The following NDUFAF7 variants were observed in gnomAD, a reference collection of about 807,000 sequenced individuals.
NDUFAF7 encodes the protein protein arginine methyltransferase NDUFAF7, mitochondrial.
In NDUFAF7, 48 loss-of-function variants were observed where a neutral mutation model predicts 47.2. That is an observed-to-expected ratio of 1.02 (90% CI 0.81 to 1.29). The LOEUF is 1.29. Ranked by LOEUF, NDUFAF7 falls within the 50% of genes most tolerant of loss-of-function variation. The pLI, the probability that NDUFAF7 is intolerant of heterozygous loss-of-function variation, is 0.00. For missense variants in NDUFAF7, 635 were observed against 537.6 expected, an observed-to-expected ratio of 1.18 and a Z score of -1.79; for synonymous variants, 217 against 190.0, an observed-to-expected ratio of 1.14 and a Z score of -1.17.
intron 3 of NDUFAF7, among the ~76,000 whole-genome samples, chr2:37,236,459 AAGG>A (rs1158154276): frequency 1.3e-5 from 2 of 151,994 alleles, no homozygotes; most frequent in Non-Finnish European, 2.9e-5. Flanking sequence ...AGGACAGAAA[AAGG>A]AGAATCAGAT....
At chr2:37,239,005 A>G (rs1352565572) in intron 4 of NDUFAF7, among the ~76,000 whole-genome samples, 7 of 152,268 alleles carry the variant, frequency 4.6e-5, no homozygotes, top group African/African-American at 1.7e-4. Context: ...TTAGAAAAAA[A>G]AGCTAAAAGT....
At chr2:37,242,032 C>T (rs1181439673) in intron 5 of NDUFAF7, 1 of 554,932 alleles carries the variant, frequency 1.8e-6, no homozygotes, top group Non-Finnish European at 3.2e-6. Context: ...TGTAAATCTC[C>T]TTTGTACTTT....
chr2:37,263,297 T>G, the NDUFAF7 span, among the ~76,000 whole-genome samples: 1 of 152,220 alleles, frequency 6.6e-6, no homozygotes, highest in Admixed American at 6.5e-5. Context: ...AGTTTTCATG[T>G]AGGAGCTTGT....
chr2:37,255,057 ATCC>A (rs1667823412), downstream of NDUFAF7, among the ~76,000 whole-genome samples: 1 of 152,244 alleles, frequency 6.6e-6, no homozygotes, highest in Non-Finnish European at 1.5e-5. Flanking sequence ...GACTTGTACC[ATCC>A]TAGTTCTATT....
chr2:37,254,426 G>C (rs914102076), downstream of NDUFAF7: 3 of 642,906 alleles, frequency 4.7e-6, no homozygotes, highest in African/African-American at 3.7e-5. Flanking sequence ...TGGACTTTTA[G>C]CTAACATGTA....
intron 4 of NDUFAF7, among the ~76,000 whole-genome samples, chr2:37,240,572 T>C (rs555106854): frequency 6.6e-6 from 1 of 151,990 alleles, no homozygotes; most frequent in East Asian, 1.9e-4. Context: ...GAAAACAAAA[T>C]CACGAATTTA....
chr2:37,265,884 A>C, the NDUFAF7 span, among the ~76,000 whole-genome samples: 38 of 152,304 alleles, frequency 2.5e-4, no homozygotes, highest in African/African-American at 8.7e-4. Context: ...TCCATAGCTG[A>C]TAAGAGGAAA....
At chr2:37,255,307 TG>T (rs1667845408), downstream of NDUFAF7, among the ~76,000 whole-genome samples, 1 of 99,802 alleles carries the variant, frequency 1.0e-5, no homozygotes, top group Non-Finnish European at 2.1e-5. Flanking sequence ...CTAGTACTTT[TG>T]GAAAAACAAA....
chr2:37,260,274 G>T, the NDUFAF7 span: 1 of 1,611,422 alleles, frequency 6.2e-7, no homozygotes, highest in Non-Finnish European at 8.5e-7. Context: ...TTTTCTCACT[G>T]GATAGAATCA....
intron 4 of NDUFAF7, among the ~76,000 whole-genome samples, chr2:37,239,161 C>T (rs1016134651): frequency 1.4e-5 from 2 of 145,832 alleles, no homozygotes; most frequent in Non-Finnish European, 3.0e-5. Context: ...CTTTGTCACT[C>T]AGGCTGGAGT....
chr2:37,237,993 G>A, intron 4 of NDUFAF7, 126 bp downstream of exon 4: 1 of 750,816 alleles, frequency 1.3e-6, no homozygotes, highest in Non-Finnish European at 2.3e-6. Flanking sequence ...AAAATATAAT[G>A]TCAGAATAAT....
chr2:37,249,748 T>C (rs1667327767), downstream of NDUFAF7, among the ~76,000 whole-genome samples: 1 of 151,982 alleles, frequency 6.6e-6, no homozygotes, highest in African/African-American at 2.4e-5. Flanking sequence ...TTTTTGGTTG[T>C]TAGAAGCTGT....
At chr2:37,256,227 G>A (rs1273890737), downstream of NDUFAF7, among the ~76,000 whole-genome samples, 1 of 152,082 alleles carries the variant, frequency 6.6e-6, no homozygotes, top group Non-Finnish European at 1.5e-5. Context: ...GTAGGGAGTA[G>A]TGGGAGATGA....
intron 2 of NDUFAF7, among the ~76,000 whole-genome samples, chr2:37,235,012 T>A (rs867947885): frequency 1.4e-4 from 21 of 152,262 alleles, no homozygotes; most frequent in African/African-American, 5.1e-4. Context: ...GTGCTAAAAC[T>A]TGGGATATGA....
chr2:37,265,635 A>T, the NDUFAF7 span, among the ~76,000 whole-genome samples: 1 of 152,216 alleles, frequency 6.6e-6, no homozygotes, highest in Non-Finnish European at 1.5e-5. Flanking sequence ...GTACTTAAGT[A>T]TAAATGCTGA....
chr2:37,253,015 T>G, downstream of NDUFAF7: 1 of 601,024 alleles, frequency 1.7e-6, no homozygotes. Context: ...GTTTCCCGCC[T>G]GTACCTACTC....
At chr2:37,262,760 C>CT in the NDUFAF7 span, among the ~76,000 whole-genome samples, 1 of 152,138 alleles carries the variant, frequency 6.6e-6, no homozygotes, top group South Asian at 2.1e-4. Context: ...CCCTTAACAA[C>CT]TTCCTCTATT....
downstream of NDUFAF7, among the ~76,000 whole-genome samples, chr2:37,250,062 T>TATCA (rs1323217733): frequency 1.3e-5 from 2 of 151,936 alleles, no homozygotes; most frequent in African/African-American, 4.8e-5. Flanking sequence ...GCTCATTAGC[T>TATCA]ATCATTAGTG....
At chr2:37,243,754 C>T in intron 6 of NDUFAF7, 109 bp from the exon 7 acceptor site, 1 of 777,508 alleles carries the variant, frequency 1.3e-6, no homozygotes. Context: ...AGTAAGTTCT[C>T]TGTAAATGTT....
Sources: allele counts gnomAD v4.1 joint callset (sites outside exome capture counted in the v4.1 genomes callset), GRCh38; gene constraint gnomAD v4.1.1; transcripts MANE v1.5; gene names NCBI Gene and HGNC (gene_info 2026-07-23, HGNC 2026-07-21).